Variants in CDX1 observed in about 807,000 individuals in gnomAD.
CDX1 encodes homeobox protein CDX-1.
In CDX1, 9 loss-of-function variants were observed where a neutral mutation model predicts 16.9. That is an observed-to-expected ratio of 0.53 (90% CI 0.32 to 0.93). CDX1 has a LOEUF of 0.93. CDX1 is among the 40% of genes least tolerant of loss of function. The pLI is 0.04. For synonymous variants in CDX1, 179 were observed against 179.0 expected (o/e 1.00, Z 0.00); for missense variants, 393 against 386.1 (o/e 1.02, Z -0.15).
At chr5:150,169,129 A>G (rs183057389) in intron 1 of CDX1, among the ~76,000 whole-genome samples, 1 of 152,048 alleles carries the variant, frequency 6.6e-6, no homozygotes, top group Non-Finnish European at 1.5e-5. Context: ...GAGGTTCCCT[A>G]TGGGTAGGGA....
At position 150,173,533 on chromosome 5, in the gene CDX1, G is replaced by T. The variant is rs140612442; in HGVS notation, c.445+6212G>T. On this transcript the variant is annotated intron_variant, in intron 1 of 2. Coordinates refer to ENST00000231656, the MANE Select transcript of CDX1 (RefSeq NM_001804.3). ...CGTTCTTCCCCTCACCTCACCAGTC[G>T]GTTTAGCTCATTGCTCACTTTCCTT... Among the ~76,000 whole-genome samples the T allele has an allele frequency of 4.6e-5, 7 of 152,262 alleles. No homozygotes were observed. The East Asian group carries it at 1.3e-3, about 29-fold the overall frequency.
In CDX1 at chr5:150,167,066, C is replaced by T. The variant is rs776856572; in HGVS notation, c.190C>T (p.Pro64Ser). 3 of 1,419,766 alleles carry T rather than the reference C, an allele frequency of 2.1e-6. No homozygotes were observed. The African/African-American group carries it at 4.5e-5, about 21-fold the overall frequency. The allele number at this position is 1,419,766 out of a possible 1,614,324, so 87.9% of individuals were successfully genotyped here. A position where few individuals can be genotyped will look rare whatever the true frequency, so the allele number is the denominator to read the frequency against. Residue 64 changes from proline to serine, a missense_variant, in exon 1 of 3, where the codon CCC becomes TCC. Pro to Ser is a moderately conservative substitution (Grantham distance 74). Coordinates refer to ENST00000231656, the MANE Select transcript of CDX1 (RefSeq NM_001804.3). Reference protein sequence around the residue: ...APAPPTAWGAPFPAPKDDWAA... With the variant: ...APAPPTAWGASFPAPKDDWAA... The stretch of plus-strand genomic sequence containing the variant: ...CGCGCCCCCGACGGCCTGGGGGGCG[C>T]CCTTCCCTGCGCCCAAGGACGACTG...
chr5:150,181,932 A>T (rs976157675), intron 1 of CDX1, among the ~76,000 whole-genome samples: 2 of 152,042 alleles, frequency 1.3e-5, no homozygotes. Context: ...GGATGTGTGG[A>T]CGGCTTGGGC....
At chr5:150,182,695 G>C (rs1752477641) in intron 1 of CDX1, 73 bp from the exon 2 acceptor site, 1 of 1,434,694 alleles carries the variant, frequency 7.0e-7, no homozygotes, top group Admixed American at 2.4e-5. Flanking sequence ...TCCTCCTGGG[G>C]GTCCTGCCTG....
At position 150,166,835 on chromosome 5, in the gene CDX1, C is replaced by T. The variant is rs1761425364; in HGVS notation, c.-42C>T. The T allele has an allele frequency of 3.0e-6, 4 of 1,344,710 alleles. No individual in the cohort carries two copies. The highest frequency in any genetic ancestry group is 3.5e-5 in the Admixed American group (1 of 28,690). The allele number at this position is 1,344,710 out of a possible 1,614,324, so 83.3% of individuals were successfully genotyped here. On this transcript the variant is annotated 5_prime_UTR_variant, in exon 1 of 3. Coordinates refer to ENST00000231656, the MANE Select transcript of CDX1 (RefSeq NM_001804.3). ...TCGTCGTCGGGGCGGCCGGCAGCGGCGGCTCCAGGGCCCAGCATGCGCGGG... is the reference window on the plus strand; with the variant it reads ...TCGTCGTCGGGGCGGCCGGCAGCGGTGGCTCCAGGGCCCAGCATGCGCGGG...
chr5:150,181,106 C>T (rs1257873633), intron 1 of CDX1, among the ~76,000 whole-genome samples: 5 of 152,220 alleles, frequency 3.3e-5, no homozygotes, highest in Admixed American at 3.3e-4. Flanking sequence ...CCCTTGTCTC[C>T]TGTCCCGTCC....
In CDX1 at chr5:150,166,986, C is replaced by A; in HGVS notation, c.110C>A (p.Pro37Gln). 1 of 1,446,488 alleles carries A rather than the reference C, an allele frequency of 6.9e-7. No individual in the cohort carries two copies. Among genetic ancestry groups the A allele is most frequent in the Admixed American group, 2.7e-5 (1 of 36,736 alleles). 89.6% of individuals were successfully genotyped at this position (1,446,488 alleles called of 1,614,324 possible). Reference protein sequence around the residue: ...PQAYGPPAPPPAPPQYPDFSS... With the variant: ...PQAYGPPAPPQAPPQYPDFSS... ...GCCTACGGCCCCCCGGCCCCGCCCC[C>A]GGCGCCCCCGCAGTACCCCGACTTC... The change falls in exon 1 of 3, where the codon CCG (proline) becomes CAG (glutamine). Residue 37 changes from proline to glutamine, a missense_variant. Coordinates refer to ENST00000231656, the MANE Select transcript of CDX1 (RefSeq NM_001804.3).
In CDX1 at chr5:150,166,858, G is replaced by T; in HGVS notation, c.-19G>T. On this transcript the variant is annotated 5_prime_UTR_variant, in exon 1 of 3. Transcript: ENST00000231656. ...GGCGGCTCCAGGGCCCAGCATGCGCGGGGGACCCCGCGGCCACCATGTATG... is the reference window on the plus strand; with the variant it reads ...GGCGGCTCCAGGGCCCAGCATGCGCTGGGGACCCCGCGGCCACCATGTATG... 4.1e-6 allele frequency: 6 copies of T among 1,458,386 alleles called. No individual in the cohort carries two copies. The highest frequency in any genetic ancestry group is 1.5e-5 in the African/African-American group (1 of 67,242). The allele number at this position is 1,458,386 out of a possible 1,614,324, so 90.3% of individuals were successfully genotyped here. A position where few individuals can be genotyped will look rare whatever the true frequency, so the allele number is the denominator to read the frequency against.
chr5:150,168,843 G>GT (rs1321577866), intron 1 of CDX1, among the ~76,000 whole-genome samples: 5 of 152,226 alleles, frequency 3.3e-5, no homozygotes, highest in Non-Finnish European at 7.3e-5. Flanking sequence ...TTGTACCCTT[G>GT]TTTAAGTTAC....
chr5:150,168,050 T>G (rs998807580), intron 1 of CDX1, among the ~76,000 whole-genome samples: 13 of 152,292 alleles, frequency 8.5e-5, no homozygotes, highest in Admixed American at 6.5e-4. Context: ...GGCCCAACTT[T>G]AATGAGGGGC....
Position 150,167,210 on chromosome 5 carries a change from C to T in CDX1, c.334C>T (p.Leu112=). Residue 112 remains leucine (L), a synonymous_variant, in exon 1 of 3, where the codon CTG becomes TTG. Coordinates refer to ENST00000231656, the MANE Select transcript of CDX1 (RefSeq NM_001804.3). ...PAPPGPGPGL[L]AQPLGGPGTP... ...GCCCCCTGGGCCCGGCCCGGGCCTCCTGGCGCAGCCCCTCGGGGGCCCGGG... is the reference window on the plus strand; with the variant it reads ...GCCCCCTGGGCCCGGCCCGGGCCTCTTGGCGCAGCCCCTCGGGGGCCCGGG... 1 of 1,264,220 alleles carries T rather than the reference C, an allele frequency of 7.9e-7. No homozygotes were observed. The highest frequency in any genetic ancestry group is 9.9e-7 in the Non-Finnish European group (1 of 1,009,776). The allele number at this position is 1,264,220 out of a possible 1,614,324, so 78.3% of individuals were successfully genotyped here. A position where few individuals can be genotyped will look rare whatever the true frequency, so the allele number is the denominator to read the frequency against.
Position 150,182,927 on chromosome 5 carries a change from C to T in CDX1, c.591+14C>T. The T allele has an allele frequency of 6.3e-7, 1 of 1,597,964 alleles. No individual in the cohort carries two copies. Among genetic ancestry groups the T allele is most frequent in the Non-Finnish European group, 8.5e-7 (1 of 1,172,410 alleles). On this transcript the variant is annotated intron_variant, in intron 2 of 2. Coordinates refer to ENST00000231656, the MANE Select transcript of CDX1 (RefSeq NM_001804.3). Reference sequence around the variant, plus strand: ...ACTGAACGGCAGGTGTGTCTGTCTTCCTATCTCAGCCATAGGAGCAGTGCG... The same window carrying T: ...ACTGAACGGCAGGTGTGTCTGTCTTTCTATCTCAGCCATAGGAGCAGTGCG...
chr5:150,182,883 G>A lies in CDX1; in HGVS notation c.561G>A (p.Leu187=), dbSNP rs184290965. 139 of 1,612,422 alleles carry A rather than the reference G, an allele frequency of 8.6e-5. No individual in the cohort carries two copies. Among genetic ancestry groups the A allele is most frequent in the Non-Finnish European group, 1.1e-4 (128 of 1,179,192 alleles). ...TCACAATCCGGCGGAAATCAGAGCT[G>A]GCTGCCAATCTGGGGCTCACTGAAC... The part of the protein sequence containing the change: ...RYITIRRKSE[L]AANLGLTERQ... Residue 187 remains leucine (L), a synonymous_variant, in exon 2 of 3, where the codon CTG becomes CTA. Transcript: ENST00000231656.
intron 1 of CDX1, among the ~76,000 whole-genome samples, chr5:150,178,177 C>T (rs189598478): frequency 1.5e-4 from 23 of 152,316 alleles, no homozygotes; most frequent in African/African-American, 3.8e-4. Context: ...TTGGCCTGTA[C>T]CGTGCATGCA....
chr5:150,178,864 C>T (rs990946345), intron 1 of CDX1, among the ~76,000 whole-genome samples: 5 of 151,794 alleles, frequency 3.3e-5, no homozygotes, highest in South Asian at 2.1e-4. Flanking sequence ...TTTTTTCACA[C>T]GTCTTAGAAA....
chr5:150,176,990 G>T (rs1644977300), intron 1 of CDX1, among the ~76,000 whole-genome samples: 1 of 152,248 alleles, frequency 6.6e-6, no homozygotes, highest in Non-Finnish European at 1.5e-5. Context: ...TTGTGGTCCA[G>T]GCCTTGGGGG....
At chr5:150,181,247 C>G (rs1183623845) in intron 1 of CDX1, among the ~76,000 whole-genome samples, 1 of 152,204 alleles carries the variant, frequency 6.6e-6, no homozygotes, top group African/African-American at 2.4e-5. Flanking sequence ...AGCCTCTCCC[C>G]AGATGTCTGC....
intron 1 of CDX1, among the ~76,000 whole-genome samples, chr5:150,176,106 C>T (rs1042187429): frequency 1.3e-5 from 2 of 152,162 alleles, no homozygotes; most frequent in African/African-American, 4.8e-5. Context: ...CCAGCCTTTC[C>T]CAAACCTCAG....
intron 1 of CDX1, among the ~76,000 whole-genome samples, chr5:150,174,413 G>A (rs1761542957): frequency 6.6e-6 from 1 of 152,228 alleles, no homozygotes; most frequent in Non-Finnish European, 1.5e-5. Context: ...AACTCAGGAA[G>A]GATATAAATG....
Sources: allele counts gnomAD v4.1 joint callset (sites outside exome capture counted in the v4.1 genomes callset), GRCh38; gene constraint gnomAD v4.1.1; transcripts MANE v1.5; gene names NCBI Gene and HGNC (gene_info 2026-07-23, HGNC 2026-07-21).